Variants in KCTD1 observed in about 807,000 individuals in gnomAD.
The protein encoded by KCTD1 is potassium channel tetramerization domain containing 1.
A neutral mutation model predicts 66.0 loss-of-function variants in KCTD1; 24 were observed. That is an observed-to-expected ratio of 0.36 (90% confidence interval 0.26 to 0.51). The LOEUF (loss-of-function observed/expected upper bound fraction) is 0.51, where lower values mean the gene tolerates loss of function less well. KCTD1 is among the 20% of genes least tolerant of loss of function. The pLI is 0.95. For synonymous variants in KCTD1, 511 were observed against 517.2 expected (o/e 0.99, Z 0.16); for missense variants, 943 against 1,205.2 (o/e 0.78, Z 3.22).
chr18:26,532,257 CCTTCTTTTT>C (rs1370776709), intron 1 of KCTD1, among the ~76,000 whole-genome samples: 5 of 128,206 alleles, frequency 3.9e-5, no homozygotes, highest in Admixed American at 7.5e-5. Context: ...TCTTTTCTTT[CCTTCTTTTT>C]TTTTTTTTTT....
chr18:26,469,864 G>A (rs1016739915), intron 3 of KCTD1, among the ~76,000 whole-genome samples: 4 of 152,036 alleles, frequency 2.6e-5, no homozygotes, highest in East Asian at 1.9e-4. Context: ...CTGGAGAATC[G>A]CTTGAACCTG....
chr18:26,468,996 C>T lies in KCTD1; in HGVS notation c.2133+7519G>A, dbSNP rs1365218282. 2.6e-5 allele frequency among the ~76,000 whole-genome samples: 4 copies of T among 152,190 alleles called. No individual in the cohort carries two copies. The South Asian group carries it at 6.2e-4, about 24-fold the overall frequency. On this transcript the variant is annotated intron_variant, in intron 3 of 4. Coordinates refer to ENST00000580059, the MANE Select transcript of KCTD1 (RefSeq NM_001142730.3). The surrounding 1 kb of genome is among the most constrained non-coding windows in gnomAD (Gnocchi z 4.8). ...TTTGTGACTCCTGTAAACTGCACTG[C>T]TCCTGCTGATGCAATTCCATCACCA...
chr18:26,527,013 A>C (rs1984195315), intron 1 of KCTD1, among the ~76,000 whole-genome samples: 2 of 152,150 alleles, frequency 1.3e-5, no homozygotes, highest in African/African-American at 4.8e-5. Flanking sequence ...TTAACCCCTT[A>C]ATTCCCAAAC....
At position 26,562,124 on chromosome 18, in the gene KCTD1, G is replaced by T. The variant is rs939378178; in HGVS notation, c.-15-60874C>A. ...TCCCAAATCTCTGACTCAGGGAAAG[G>T]CACCACAATTCACCCTGTATCCATA... On this transcript the variant is annotated intron_variant, in intron 1 of 4. Coordinates refer to the KCTD1 transcript ENST00000317932. 2.6e-5 allele frequency among the ~76,000 whole-genome samples: 4 copies of T among 152,158 alleles called. No homozygotes were observed. The South Asian group carries it at 8.3e-4, about 32-fold the overall frequency.
chr18:26,539,101 T>C (rs954558015), intron 1 of KCTD1, among the ~76,000 whole-genome samples: 2 of 152,238 alleles, frequency 1.3e-5, no homozygotes, highest in African/African-American at 4.8e-5. Flanking sequence ...ATTCTTTTAT[T>C]TGAACAGTTG....
chr18:26,653,149 C>T (rs1048591096), intron 1 of KCTD1, among the ~76,000 whole-genome samples: 2 of 151,726 alleles, frequency 1.3e-5, no homozygotes, highest in Non-Finnish European at 2.9e-5. Flanking sequence ...TCTTTCCAAA[C>T]ACCAATCTGA....
intron 1 of KCTD1, among the ~76,000 whole-genome samples, chr18:26,502,638 T>C (rs972884444): frequency 1.2e-4 from 18 of 152,230 alleles, no homozygotes; most frequent in Admixed American, 1.0e-3. Flanking sequence ...TGGTATTCAA[T>C]GAAGGGGTCA....
At chr18:26,647,217 G>A (rs906759427) in intron 1 of KCTD1, among the ~76,000 whole-genome samples, 6 of 151,870 alleles carry the variant, frequency 4.0e-5, no homozygotes, top group African/African-American at 7.3e-5. Flanking sequence ...CACTAAAAAA[G>A]ACTGAATTCA....
In KCTD1 at chr18:26,455,646, G is replaced by A; in HGVS notation, c.*97C>T. 1 of 1,499,184 alleles carries A rather than the reference G, an allele frequency of 6.7e-7. No individual in the cohort carries two copies. The highest frequency in any genetic ancestry group is 9.2e-7 in the Non-Finnish European group (1 of 1,087,496). The allele number at this position is 1,499,184 out of a possible 1,614,324, so 92.9% of individuals were successfully genotyped here. ...TGTCTTTTATTCGATTTTACGTCCAGGACTTGGTTTGCTGTCCCAACTGCA... is the reference window on the plus strand; with the variant it reads ...TGTCTTTTATTCGATTTTACGTCCAAGACTTGGTTTGCTGTCCCAACTGCA... On this transcript the variant is annotated 3_prime_UTR_variant, in exon 5 of 5. Coordinates refer to ENST00000580059, the MANE Select transcript of KCTD1 (RefSeq NM_001142730.3).
intron 2 of KCTD1, among the ~76,000 whole-genome samples, chr18:26,484,767 C>T (rs572006320): frequency 3.9e-5 from 6 of 152,202 alleles, no homozygotes; most frequent in South Asian, 4.2e-4. Flanking sequence ...GGGAACCAGC[C>T]GGCCTAGGCA....
intron 1 of KCTD1, among the ~76,000 whole-genome samples, chr18:26,621,242 C>A (rs1326724945): frequency 1.3e-5 from 2 of 152,064 alleles, no homozygotes; most frequent in East Asian, 1.9e-4. Flanking sequence ...GCTACTTACT[C>A]GTTTGGATGA....
rs773609168 is a variant in KCTD1 at position 26,548,319 on chromosome 18, C to T, written c.218G>A (p.Gly73Glu). The change falls in exon 1 of 5, where the codon GGG (glycine) becomes GAG (glutamate). Residue 73 changes from glycine (G) to glutamate (E), a missense_variant. Physicochemically the swap from Gly to Glu is moderately conservative, Grantham distance 98. Transcript: ENST00000580059. ...EDEIQEVQIT[G>E]DEEEEEDGGG... Reference sequence around the variant, plus strand: ...TCCGTCCTCCTCCTCCTCCTCGTCCCCCGTTATCTGCACCTCCTGGATCTC... The same window carrying T: ...TCCGTCCTCCTCCTCCTCCTCGTCCTCCGTTATCTGCACCTCCTGGATCTC... The T allele has an allele frequency of 6.3e-5, 95 of 1,499,044 alleles. No homozygotes were observed. The South Asian group carries it at 7.3e-4, about 12-fold the overall frequency. The allele number at this position is 1,499,044 out of a possible 1,614,324, so 92.9% of individuals were successfully genotyped here. A position where few individuals can be genotyped will look rare whatever the true frequency, so the allele number is the denominator to read the frequency against.
intron 3 of KCTD1, among the ~76,000 whole-genome samples, chr18:26,475,197 T>C (rs1387218665): frequency 6.6e-6 from 1 of 152,236 alleles, no homozygotes; most frequent in African/African-American, 2.4e-5. Flanking sequence ...TACCCACCTT[T>C]ACCATCATTA....
At position 26,468,011 on chromosome 18, in the gene KCTD1, C is replaced by CAGAGAG. The variant is rs370555675; in HGVS notation, c.2134-8092_2134-8087dup. 6.7e-6 allele frequency among the ~76,000 whole-genome samples: 1 copy of CAGAGAG among 149,786 alleles called. No homozygotes were observed. The highest frequency in any genetic ancestry group is 6.7e-5 in the Admixed American group (1 of 15,010). On this transcript the variant is annotated intron_variant, in intron 3 of 4. Coordinates refer to ENST00000580059, the MANE Select transcript of KCTD1 (RefSeq NM_001142730.3). This position sits in a 1 kb window ranked among gnomAD's most constrained non-coding sequence, Gnocchi z 4.8. ...AGATGATGTTAAAGATAAAAGGCTA[C>CAGAGAG]AGAGAGAGAGAGAGAGAGAAAGAGA...
At chr18:26,472,870 G>C (rs1981143336) in intron 3 of KCTD1, among the ~76,000 whole-genome samples, 1 of 152,188 alleles carries the variant, frequency 6.6e-6, no homozygotes, top group South Asian at 2.1e-4. Context: ...AAGCTGGCCT[G>C]CTCTCTTCAA....
chr18:26,551,246 T>C (rs181292364), upstream of KCTD1, among the ~76,000 whole-genome samples: 238 of 152,194 alleles, frequency 1.6e-3, 1 homozygote, highest in African/African-American at 5.5e-3. Context: ...AGTTTTGTGC[T>C]CCCAGGACAA....
chr18:26,493,016 T>C (rs1173496781), intron 2 of KCTD1, among the ~76,000 whole-genome samples: 1 of 152,234 alleles, frequency 6.6e-6, no homozygotes, highest in African/African-American at 2.4e-5. Context: ...AATCATTAAT[T>C]TATACATTGA....
intron 1 of KCTD1, among the ~76,000 whole-genome samples, chr18:26,616,510 T>C (rs1568010687): frequency 1.3e-5 from 2 of 151,182 alleles, no homozygotes; most frequent in African/African-American, 4.9e-5. Context: ...CATACATACA[T>C]ACACACACAC....
chr18:26,623,688 A>G (rs903383195), intron 1 of KCTD1, among the ~76,000 whole-genome samples: 6 of 152,228 alleles, frequency 3.9e-5, no homozygotes, highest in African/African-American at 1.4e-4. Context: ...TAGCAGCATA[A>G]GAACAGACTA....
Sources: allele counts gnomAD v4.1 joint callset (sites outside exome capture counted in the v4.1 genomes callset), GRCh38; gene constraint gnomAD v4.1.1; non-coding constraint Gnocchi (gnomAD v3.1); transcripts MANE v1.5; gene names NCBI Gene and HGNC (gene_info 2026-07-23, HGNC 2026-07-21).